CALD1: variants seen among roughly 807,000 people sequenced by gnomAD.
CALD1 encodes the protein caldesmon 1.
CALD1 carries 33 observed loss-of-function variants against 99.9 expected under a neutral mutation model. The observed-to-expected ratio is 0.33, with a 90% confidence interval of 0.25 to 0.44. The LOEUF is 0.44. CALD1 is among the 20% of genes least tolerant of loss of function. The pLI, the probability that CALD1 is intolerant of heterozygous loss-of-function variation, is 1.00. For missense variants in CALD1, 861 were observed against 962.1 expected (o/e 0.89, Z 1.39); for synonymous variants, 310 against 325.0 (o/e 0.95, Z 0.50).
the CALD1 span, among the ~76,000 whole-genome samples, chr7:134,721,113 G>A: frequency 6.6e-6 from 1 of 152,270 alleles, no homozygotes; most frequent in Non-Finnish European, 1.5e-5. Context: ...TAGGCCGCTG[G>A]AACAGGAGGC....
chr7:134,954,328 C>T (rs543188397), intron 9 of CALD1, among the ~76,000 whole-genome samples: 5 of 152,200 alleles, frequency 3.3e-5, no homozygotes, highest in Middle Eastern at 3.4e-3. Flanking sequence ...TGTGGAGTAA[C>T]GAGAGCACCA....
rs1456680112 is a variant in CALD1, at chr7:134,953,680, T to TC, written c.1935+3167dup. Among the ~76,000 whole-genome samples the TC allele has an allele frequency of 6.9e-5, 10 of 145,674 alleles. No individual in the cohort carries two copies. In the South Asian group the frequency reaches 8.8e-4, roughly 13 times the overall value. On this transcript the variant is annotated intron_variant, in intron 9 of 14. Coordinates refer to ENST00000361675, the MANE Select transcript of CALD1 (RefSeq NM_033138.4). ...GGTTTTTTTTTTTTGTTTTTTTTTT[T>TC]CAGGAGAAACTACAACCTACCCTAC...
intron 1 of CALD1, among the ~76,000 whole-genome samples, chr7:134,780,925 C>T (rs1797081098): frequency 6.6e-6 from 1 of 152,182 alleles, no homozygotes; most frequent in African/African-American, 2.4e-5. Flanking sequence ...AGACTACCAG[C>T]TGCAAATGAC....
chr7:134,965,886 T>TGAAAATGA (rs1290045408), intron 14 of CALD1, among the ~76,000 whole-genome samples: 1 of 151,006 alleles, frequency 6.6e-6, no homozygotes, highest in Non-Finnish European at 1.5e-5. Flanking sequence ...TACCACCCTG[T>TGAAAATGA]GAAAATGAAT....
the CALD1 span, among the ~76,000 whole-genome samples, chr7:134,733,080 C>T: frequency 1.3e-5 from 2 of 152,212 alleles, no homozygotes; most frequent in Non-Finnish European, 2.9e-5. Flanking sequence ...TAAATTACAC[C>T]CTTCTCCTCT....
chr7:134,934,061 C>T lies in CALD1; in HGVS notation c.1292C>T (p.Ala431Val). 6.2e-7 allele frequency: 1 copy of T among 1,609,892 alleles called. No individual in the cohort carries two copies. The highest frequency in any genetic ancestry group is 1.3e-5 in the African/African-American group (1 of 74,510). Residue 431 changes from alanine to valine, a missense_variant, in exon 5 of 15, where the codon GCT (alanine) becomes GTT (valine). Physicochemically the swap from Ala to Val is moderately conservative, Grantham distance 64. Transcript: ENST00000361675. ...GCACAAGAAGATAAACTTCAGACAG[C>T]TGTCCTAAAGAAACAGGTACAGTAA... ...KKAQEDKLQT[A>V]VLKKQGEEKG...
At chr7:134,718,855 A>C in the CALD1 span, among the ~76,000 whole-genome samples, 4 of 152,204 alleles carry the variant, frequency 2.6e-5, no homozygotes, top group African/African-American at 9.6e-5. Context: ...TTATTTCCCC[A>C]AAATATTGTC....
At chr7:134,819,887 C>CA (rs11369243) in intron 1 of CALD1, among the ~76,000 whole-genome samples, 30,588 of 84,654 alleles carry the variant, frequency 0.36, 3,200 homozygotes, top group East Asian at 0.57. Flanking sequence ...AAAAACAAAA[C>CA]AAACAAACAA....
the CALD1 span, among the ~76,000 whole-genome samples, chr7:134,722,387 G>A: frequency 6.8e-4 from 102 of 150,004 alleles, no homozygotes; most frequent in African/African-American, 2.3e-3. Flanking sequence ...GCAGTAGTTC[G>A]ATTTTGTTTA....
intron 3 of CALD1, among the ~76,000 whole-genome samples, chr7:134,904,604 T>A (rs1803235986): frequency 6.6e-6 from 1 of 152,110 alleles, no homozygotes; most frequent in African/African-American, 2.4e-5. Flanking sequence ...AAATGCCAGC[T>A]GGCTGAAGTT....
chr7:134,719,314 A>C, the CALD1 span, among the ~76,000 whole-genome samples: 1 of 152,172 alleles, frequency 6.6e-6, no homozygotes, highest in African/African-American at 2.4e-5. Flanking sequence ...AAAAGGGATA[A>C]AAAAATATGT....
rs369441844 is a variant in CALD1, at chr7:134,965,779, A to G, written c.2376+393A>G. Among the ~76,000 whole-genome samples, 7 of 151,706 alleles carry G rather than the reference A, an allele frequency of 4.6e-5. No individual in the cohort carries two copies. The East Asian group carries it at 9.7e-4, about 21-fold the overall frequency. On this transcript the variant is annotated intron_variant, in intron 14 of 14. Coordinates refer to ENST00000361675, the MANE Select transcript of CALD1 (RefSeq NM_033138.4). ...AGTGTTTCCAAAACTGCTTTCTGGA[A>G]CCATTTTAGATTACATTGCCACTGC... is the stretch of plus-strand genomic sequence containing the variant.
At chr7:134,896,252 A>C (rs1802566756) in intron 3 of CALD1, among the ~76,000 whole-genome samples, 1 of 152,200 alleles carries the variant, frequency 6.6e-6, no homozygotes. Flanking sequence ...TTTCTGCAGA[A>C]AGTAAATTTT....
chr7:134,851,203 G>T (rs908918054), intron 2 of CALD1, among the ~76,000 whole-genome samples: 1 of 152,074 alleles, frequency 6.6e-6, no homozygotes, highest in Non-Finnish European at 1.5e-5. Flanking sequence ...TCCCCAAATA[G>T]TTACCTCTTT....
intron 1 of CALD1, among the ~76,000 whole-genome samples, chr7:134,818,563 T>C (rs1371792747): frequency 6.6e-6 from 1 of 152,336 alleles, no homozygotes; most frequent in East Asian, 1.9e-4. Flanking sequence ...TATTTTGGAA[T>C]GTAGGGTCTA....
At chr7:134,766,421 C>T (rs1796827445) in intron 1 of CALD1, among the ~76,000 whole-genome samples, 1 of 152,076 alleles carries the variant, frequency 6.6e-6, no homozygotes, top group Non-Finnish European at 1.5e-5. Context: ...GCTGGGATTA[C>T]AGGCATGAGC....
chr7:134,863,417 T>A (rs1170240384), intron 2 of CALD1, among the ~76,000 whole-genome samples: 1 of 152,220 alleles, frequency 6.6e-6, no homozygotes, highest in African/African-American at 2.4e-5. Flanking sequence ...GCCCAAAAAG[T>A]AGATAAGACT....
At chr7:134,927,172 T>C (rs556464488) in intron 3 of CALD1, among the ~76,000 whole-genome samples, 1 of 152,286 alleles carries the variant, frequency 6.6e-6, no homozygotes, top group Non-Finnish European at 1.5e-5. Flanking sequence ...GTCAAACGTG[T>C]CAAAATAGCT....
rs1421107599 is a variant in CALD1, at chr7:134,941,178, T to G, written c.1473T>G (p.Val491=). 6.2e-7 allele frequency: 1 copy of G among 1,613,050 alleles called. No homozygotes were observed. The highest frequency in any genetic ancestry group is 1.3e-5 in the African/African-American group (1 of 74,842). Residue 491 remains valine (V), a synonymous_variant, in exon 7 of 15, where the codon GTT becomes GTG. Coordinates refer to ENST00000361675, the MANE Select transcript of CALD1 (RefSeq NM_033138.4). Reference sequence around the variant, plus strand: ...ATCGAAAGAAGGGATTTACAGAAGTTAAGTCGCAGAATGGAGAATTCATGA... The same window carrying G: ...ATCGAAAGAAGGGATTTACAGAAGTGAAGTCGCAGAATGGAGAATTCATGA... ...FMDRKKGFTE[V]KSQNGEFMTH... is the part of the protein sequence containing the mutation.
Sources: allele counts gnomAD v4.1 joint callset (sites outside exome capture counted in the v4.1 genomes callset), GRCh38; gene constraint gnomAD v4.1.1; transcripts MANE v1.5; gene names NCBI Gene and HGNC (gene_info 2026-07-23, HGNC 2026-07-21).